Variants in TNRC18 observed in about 807,000 individuals in gnomAD.
TNRC18 encodes the protein trinucleotide repeat-containing gene 18 protein.
A neutral mutation model predicts 226.7 loss-of-function variants in TNRC18; 69 were observed. The ratio of observed to expected loss-of-function variants is 0.30; its 90% CI spans 0.25 to 0.37. The LOEUF (loss-of-function observed/expected upper bound fraction) is 0.37, where lower values mean the gene tolerates loss of function less well. Ranked by LOEUF, TNRC18 falls within the 10% of genes least tolerant of loss-of-function variation. The pLI is 1.00. For synonymous variants in TNRC18, 2,449 were observed against 1,927.6 expected (o/e 1.27, Z -7.09); for missense variants, 4,754 against 4,256.6 (o/e 1.12, Z -3.25).
At chr7:5,414,507 G>A (rs1417598000) in intron 2 of TNRC18, among the ~76,000 whole-genome samples, 2 of 151,916 alleles carry the variant, frequency 1.3e-5, no homozygotes, top group South Asian at 4.2e-4. Context: ...CCGCCTCCCA[G>A]GTTCACGCCA....
Position 5,370,843 on chromosome 7 carries a change from G to A in TNRC18, c.3751C>T (p.Pro1251Ser), listed in dbSNP as rs748885383. ...TCCTTGGCCTCCACCAGTGTCTCGGGTGTCAGCTGCACCCCCAGGTCCAGG... is the reference window on the plus strand; with the variant it reads ...TCCTTGGCCTCCACCAGTGTCTCGGATGTCAGCTGCACCCCCAGGTCCAGG... ...AALDLGVQLT[P>S]ETLVEAKEEP... Residue 1251 changes from proline to serine, a missense_variant, in exon 11 of 30, where the codon CCC becomes TCC. Coordinates refer to ENST00000430969, the MANE Select transcript of TNRC18 (RefSeq NM_001080495.3). 1.2e-6 allele frequency: 2 copies of A among 1,609,194 alleles called. No individual in the cohort carries two copies.
chr7:5,390,938 T>G (rs1359533398), intron 3 of TNRC18, among the ~76,000 whole-genome samples: 1 of 152,130 alleles, frequency 6.6e-6, no homozygotes, highest in African/African-American at 2.4e-5. Context: ...ACTGTCATCC[T>G]CATTTAAACC....
intron 18 of TNRC18, among the ~76,000 whole-genome samples, chr7:5,339,014 A>G (rs1790401486): frequency 6.7e-6 from 1 of 150,304 alleles, no homozygotes; most frequent in Non-Finnish European, 1.5e-5. Flanking sequence ...ATTACTAGAC[A>G]AGGCCAGGCA....
rs757926552 is a variant in TNRC18, at chr7:5,332,823, G to A, written c.5946C>T (p.Phe1982=). Residue 1982 remains phenylalanine (F), a synonymous_variant, in exon 19 of 30, where the codon TTC becomes TTT. Coordinates refer to ENST00000430969, the MANE Select transcript of TNRC18 (RefSeq NM_001080495.3). ...RKLRGPKEPG[F]EAGPEASDDD... is the part of the protein sequence containing the mutation. Reference sequence around the variant, plus strand: ...CGTCGCTGGCCTCGGGCCCCGCCTCGAAGCCAGGCTCCTTGGGGCCCCGCA... The same window carrying A: ...CGTCGCTGGCCTCGGGCCCCGCCTCAAAGCCAGGCTCCTTGGGGCCCCGCA... The A allele has an allele frequency of 6.0e-6, 9 of 1,507,726 alleles. No homozygotes were observed. Among genetic ancestry groups the A allele is most frequent in the East Asian group, 2.6e-5 (1 of 38,820 alleles). 93.4% of individuals were successfully genotyped at this position (1,507,726 alleles called of 1,614,324 possible).
At chr7:5,415,922 C>T (rs1490101221) in intron 2 of TNRC18, among the ~76,000 whole-genome samples, 1 of 144,562 alleles carries the variant, frequency 6.9e-6, no homozygotes, top group Non-Finnish European at 1.5e-5. Context: ...GCCTGGCCAA[C>T]ATGGCGAAAC....
chr7:5,309,414 A>C lies in TNRC18; in HGVS notation c.8389-46T>G. 6.5e-7 allele frequency: 1 copy of C among 1,531,864 alleles called. No homozygotes were observed. Among genetic ancestry groups the C allele is most frequent in the Non-Finnish European group, 8.8e-7 (1 of 1,132,932 alleles). 94.9% of individuals were successfully genotyped at this position (1,531,864 alleles called of 1,614,324 possible). On this transcript the variant is annotated intron_variant, in intron 27 of 29. Transcript: ENST00000430969. The surrounding 1 kb of genome is among the most constrained non-coding windows in gnomAD (Gnocchi z 5.7). ...CGGCACAGGCCCTGGCCCAGCCCCA[A>C]GGAGCCCGCCGCCTGGCAGGCTCTG...
At position 5,313,435 on chromosome 7, in the gene TNRC18, C is replaced by A. The variant is rs1301850656; in HGVS notation, c.7456G>T (p.Asp2486Tyr). The change falls in exon 27 of 30, where the codon GAT (aspartate) becomes TAT (tyrosine). Residue 2486 changes from aspartate to tyrosine, a missense_variant. Coordinates refer to ENST00000430969, the MANE Select transcript of TNRC18 (RefSeq NM_001080495.3). ...TCCTGCCAGCCCCCCGCCCCCGGAT[C>A]CTCCCGGAGCAGCAGGGCCTCTTTA... The part of the protein sequence containing the change: ...KAKEALLLRE[D>Y]PGAGGWQEPK... The A allele has an allele frequency of 6.2e-7, 1 of 1,610,472 alleles. No individual in the cohort carries two copies.
At chr7:5,418,569 A>G (rs758558223) in intron 2 of TNRC18, among the ~76,000 whole-genome samples, 3 of 152,218 alleles carry the variant, frequency 2.0e-5, no homozygotes, top group African/African-American at 7.2e-5. Flanking sequence ...CCACGTCCGC[A>G]GAGCCCAACC....
At chr7:5,412,501 G>A (rs1035439201) in intron 2 of TNRC18, among the ~76,000 whole-genome samples, 8 of 151,734 alleles carry the variant, frequency 5.3e-5, no homozygotes, top group African/African-American at 1.5e-4. Flanking sequence ...GCTTGAACCC[G>A]GGAGGTGGAG....
chr7:5,355,679 C>T (rs1429923709), intron 16 of TNRC18, among the ~76,000 whole-genome samples: 8 of 152,052 alleles, frequency 5.3e-5, no homozygotes, highest in Admixed American at 1.3e-4. Context: ...TGAGCCCAGG[C>T]ACCAGCCTGG....
chr7:5,320,020 C>G (rs1376418626), intron 24 of TNRC18: 1 of 345,718 alleles, frequency 2.9e-6, no homozygotes, highest in Non-Finnish European at 5.6e-6. Flanking sequence ...GTGGGAAAAC[C>G]GAGACTGAGA....
In TNRC18 at chr7:5,388,856, G is replaced by T. The variant is rs1035783294; in HGVS notation, c.968C>A (p.Thr323Asn). The change falls in exon 5 of 30, where the codon ACC becomes AAC. Residue 323 changes from threonine (T) to asparagine (N), a missense_variant. Physicochemically the swap from Thr to Asn is moderately conservative, Grantham distance 65 (BLOSUM62 0). Coordinates refer to ENST00000430969, the MANE Select transcript of TNRC18 (RefSeq NM_001080495.3). ...EGARLLRRTE[T>N]LLPGPRPCPS... ...GCAGGGGCGCGGCCCAGGGAGCAGG[G>T]TCTCCGTGCGCCGCAGCAGCCGCGC... 1.7e-5 allele frequency: 21 copies of T among 1,269,554 alleles called. No homozygotes were observed. Among genetic ancestry groups the T allele is most frequent in the Non-Finnish European group, 2.1e-5 (21 of 1,004,174 alleles). The allele number at this position is 1,269,554 out of a possible 1,614,324, so 78.6% of individuals were successfully genotyped here. A position where few individuals can be genotyped will look rare whatever the true frequency, so the allele number is the denominator to read the frequency against.
chr7:5,389,023 A>T lies in TNRC18; in HGVS notation c.801T>A (p.Ala267=). 7.5e-7 allele frequency: 1 copy of T among 1,325,144 alleles called. No individual in the cohort carries two copies. Among genetic ancestry groups the T allele is most frequent in the Non-Finnish European group, 9.7e-7 (1 of 1,028,576 alleles). 82.1% of individuals were successfully genotyped at this position (1,325,144 alleles called of 1,614,324 possible). Residue 267 remains alanine, a synonymous_variant, in exon 5 of 30, where the codon GCT becomes GCA. Coordinates refer to ENST00000430969, the MANE Select transcript of TNRC18 (RefSeq NM_001080495.3). The part of the protein sequence containing the change: ...RLAERLSPFL[A]ESKTKNAALQ... ...GCGCCGCATTCTTGGTCTTGGACTCAGCCAGGAAGGGCGACAGGCGCTCAG... is the reference window on the plus strand; with the variant it reads ...GCGCCGCATTCTTGGTCTTGGACTCTGCCAGGAAGGGCGACAGGCGCTCAG...
chr7:5,416,089 G>A (rs1409832174), intron 2 of TNRC18, among the ~76,000 whole-genome samples: 3 of 146,742 alleles, frequency 2.0e-5, no homozygotes, highest in Non-Finnish European at 3.0e-5. Context: ...TCCAGCCTGG[G>A]CGACAGAGCA....
chr7:5,405,634 G>A (rs142965564), intron 2 of TNRC18, among the ~76,000 whole-genome samples: 12 of 151,894 alleles, frequency 7.9e-5, no homozygotes, highest in African/African-American at 2.4e-4. Context: ...TCCCAGCTAC[G>A]CGGGAGGTTG....
intron 2 of TNRC18, among the ~76,000 whole-genome samples, chr7:5,406,186 C>T (rs1781451458): frequency 6.6e-6 from 1 of 152,280 alleles, no homozygotes; most frequent in African/African-American, 2.4e-5. Flanking sequence ...ATACTAGGGC[C>T]AGGTGCAGTG....
In TNRC18 at chr7:5,324,948, C is replaced by T. The variant is rs1415408183; in HGVS notation, c.6300+148G>A. On this transcript the variant is annotated intron_variant, in intron 20 of 29. Coordinates refer to ENST00000430969, the MANE Select transcript of TNRC18 (RefSeq NM_001080495.3). The surrounding 1 kb of genome is among the most constrained non-coding windows in gnomAD (Gnocchi z 4.8). Reference sequence around the variant, plus strand: ...TCTCCTTATCCCTGGAGTGTGGGGACGGCCACATCACCCTCGTCACCCGCA... The same window carrying T: ...TCTCCTTATCCCTGGAGTGTGGGGATGGCCACATCACCCTCGTCACCCGCA... The T allele has an allele frequency of 2.4e-5, 21 of 874,994 alleles. No individual in the cohort carries two copies. Among genetic ancestry groups the T allele is most frequent in the Admixed American group, 6.2e-5 (2 of 32,304 alleles). The allele number at this position is 874,994 out of a possible 1,614,324, so 54.2% of individuals were successfully genotyped here.
chr7:5,358,297 G>C (rs947761696), intron 15 of TNRC18, among the ~76,000 whole-genome samples: 28 of 152,184 alleles, frequency 1.8e-4, no homozygotes, highest in African/African-American at 6.5e-4. Context: ...GAAACACGCA[G>C]TTTCAAAGCC....
intron 18 of TNRC18, among the ~76,000 whole-genome samples, chr7:5,336,516 G>C (rs1159231816): frequency 1.3e-5 from 2 of 151,902 alleles, no homozygotes; most frequent in African/African-American, 4.8e-5. Flanking sequence ...GCTGAGGCAG[G>C]AGGATCCCTG....
Sources: gnomAD v4.1 joint callset for allele counts (sites outside exome capture counted in the v4.1 genomes callset) on GRCh38, gnomAD v4.1.1 for gene constraint, Gnocchi (gnomAD v3.1) non-coding constraint, MANE v1.5 for transcripts, NCBI Gene and HGNC (gene_info 2026-07-23, HGNC 2026-07-21) for gene names.